FRMPD4: variants seen among roughly 807,000 people sequenced by gnomAD.
FRMPD4 encodes the protein FERM and PDZ domain containing 4, also known as FERM and PDZ domain-containing protein 4.
FRMPD4 carries 22 observed loss-of-function variants against 94.1 expected under a neutral mutation model. That is an observed-to-expected ratio of 0.23 (90% CI 0.17 to 0.33). The LOEUF (loss-of-function observed/expected upper bound fraction) is 0.33. FRMPD4 is among the 10% of genes least tolerant of loss of function. The pLI is 1.00. For missense variants in FRMPD4, 1,111 were observed against 1,339.9 expected, an observed-to-expected ratio of 0.83 and a Z score of 2.67; for synonymous variants, 631 against 548.6, an observed-to-expected ratio of 1.15 and a Z score of -2.10.
intron 1 of FRMPD4, among the ~76,000 whole-genome samples, chrX:12,324,589 T>A (rs759971015): frequency 8.9e-6 from 1 of 112,055 alleles, no homozygotes; most frequent in South Asian, 3.7e-4. Flanking sequence ...ATAAACATGC[T>A]ACAGATAATT....
At chrX:12,495,426 A>T (rs1218524340) in intron 1 of FRMPD4, among the ~76,000 whole-genome samples, 2 of 112,066 alleles carry the variant, frequency 1.8e-5, no homozygotes, top group South Asian at 3.7e-4. Context: ...TAACTTGTTC[A>T]AGGTCGTGGA....
chrX:11,828,740 G>GTT (rs58015542), intron 1 of FRMPD4, among the ~76,000 whole-genome samples: 2 of 111,648 alleles, frequency 1.8e-5, no homozygotes, highest in African/African-American at 6.5e-5. Context: ...CAAGGTCGCA[G>GTT]TTTTTTTTCA....
intron 3 of FRMPD4, among the ~76,000 whole-genome samples, chrX:12,004,362 A>C (rs377649752): frequency 8.9e-6 from 1 of 111,969 alleles, no homozygotes; most frequent in African/African-American, 3.2e-5. Context: ...GTTTGGACAG[A>C]CCAACAGCAT....
chrX:11,965,011 C>T (rs1232861614), intron 3 of FRMPD4, among the ~76,000 whole-genome samples: 1 of 112,567 alleles, frequency 8.9e-6, no homozygotes, highest in Non-Finnish European at 1.9e-5. Flanking sequence ...TTCTTTTTTG[C>T]CTCCCTCTTC....
At chrX:12,624,069 G>C (rs2148438816) in intron 4 of FRMPD4, among the ~76,000 whole-genome samples, 1 of 112,354 alleles carries the variant, frequency 8.9e-6, no homozygotes, top group South Asian at 3.7e-4. Flanking sequence ...GAGACGGAAA[G>C]ATATTCCTAG....
At chrX:12,350,401 C>T (rs776799055) in intron 1 of FRMPD4, among the ~76,000 whole-genome samples, 1 of 111,238 alleles carries the variant, frequency 9.0e-6, no homozygotes, top group Non-Finnish European at 1.9e-5. Flanking sequence ...AACTTCTGGC[C>T]TGTTTTCTTG....
In FRMPD4 at chrX:11,926,399, A is replaced by G. The variant is rs143050945; in HGVS notation, c.95+48381A>G. 5.7e-3 allele frequency among the ~76,000 whole-genome samples: 630 copies of G among 111,046 alleles called. 3 individuals are homozygous for G. Among genetic ancestry groups the G allele is most frequent in the African/African-American group, 0.02 (606 of 30,518 alleles). On this transcript the variant is annotated intron_variant, in intron 3 of 18. Transcript: ENST00000640291. The stretch of plus-strand genomic sequence containing the variant: ...AGGAGGAGAGACTCCACACTAATTC[A>G]TTATATGAGGCCAGCATCATCCTGA...
rs944061978 is a variant in FRMPD4, at chrX:12,699,082, A to G, written c.934-2792A>G. On this transcript the variant is annotated intron_variant, in intron 9 of 16. Transcript: ENST00000675598. The stretch of plus-strand genomic sequence containing the variant: ...TAGCAGTTGCTGAAGAAAATGATTT[A>G]TCAAAATGATTTCTCAAAAAATTGA... 2.7e-5 allele frequency among the ~76,000 whole-genome samples: 3 copies of G among 112,168 alleles called. No individual in the cohort carries two copies. The Admixed American group carries it at 2.8e-4, about 11-fold the overall frequency.
chrX:12,460,724 T>G (rs1206524418), intron 1 of FRMPD4, among the ~76,000 whole-genome samples: 1 of 111,931 alleles, frequency 8.9e-6, no homozygotes, highest in Non-Finnish European at 1.9e-5. Flanking sequence ...GGGATTTTTT[T>G]TAAGTAAAGG....
chrX:12,536,641 A>G (rs747690069), intron 2 of FRMPD4, among the ~76,000 whole-genome samples: 3 of 112,024 alleles, frequency 2.7e-5, no homozygotes, highest in Non-Finnish European at 5.6e-5. Context: ...AATACATTTA[A>G]CACAGCAGAA....
intron 1 of FRMPD4, among the ~76,000 whole-genome samples, chrX:12,144,890 T>C (rs925089910): frequency 9.1e-6 from 1 of 109,797 alleles, no homozygotes; most frequent in Non-Finnish European, 1.9e-5. Flanking sequence ...TATGATGATA[T>C]TGAAATGGGT....
chrX:12,294,111 G>A (rs1320172364), intron 1 of FRMPD4, among the ~76,000 whole-genome samples: 1 of 110,848 alleles, frequency 9.0e-6, no homozygotes, highest in African/African-American at 3.3e-5. Flanking sequence ...ATTCAAAAAA[G>A]CTAGCTATTA....
intron 3 of FRMPD4, among the ~76,000 whole-genome samples, chrX:12,110,462 C>A (rs1209099615): frequency 8.9e-6 from 1 of 111,886 alleles, no homozygotes; most frequent in Non-Finnish European, 1.9e-5. Context: ...CAGTCAATAT[C>A]ATACTGAATG....
intron 3 of FRMPD4, among the ~76,000 whole-genome samples, chrX:11,959,763 C>A (rs184618541): frequency 1.8e-5 from 2 of 111,368 alleles, no homozygotes; most frequent in Non-Finnish European, 3.8e-5. Context: ...TCTGACCTCC[C>A]AACCTGTCAG....
intron 3 of FRMPD4, among the ~76,000 whole-genome samples, chrX:11,896,594 C>T (rs1314687689): frequency 8.9e-6 from 1 of 112,079 alleles, no homozygotes; most frequent in East Asian, 2.8e-4. Context: ...GACTTCCCAG[C>T]CTCTAGAACT....
At chrX:11,951,082 G>GA (rs930041253) in intron 3 of FRMPD4, among the ~76,000 whole-genome samples, 1 of 100,530 alleles carries the variant, frequency 9.9e-6, no homozygotes, top group African/African-American at 3.6e-5. Flanking sequence ...AAAAAAAAAG[G>GA]AAAAAAACAA....
chrX:12,429,071 A>AC (rs1036740421), intron 1 of FRMPD4, among the ~76,000 whole-genome samples: 2 of 110,811 alleles, frequency 1.8e-5, no homozygotes, highest in African/African-American at 6.6e-5. Flanking sequence ...CTGGGGAATG[A>AC]CCCCCCAATC....
At chrX:12,596,291 G>A (rs1296092735) in intron 2 of FRMPD4, among the ~76,000 whole-genome samples, 1 of 111,466 alleles carries the variant, frequency 9.0e-6, no homozygotes. Context: ...GTACGATTTA[G>A]GTAAACTGGG....
At chrX:11,901,755 CT>C (rs1286197909) in intron 3 of FRMPD4, among the ~76,000 whole-genome samples, 17 of 108,206 alleles carry the variant, frequency 1.6e-4, no homozygotes, top group South Asian at 1.2e-3. Context: ...ACAACAGTAT[CT>C]TTTTTTTTTC....
Sources: allele counts gnomAD v4.1 joint callset (sites outside exome capture counted in the v4.1 genomes callset), GRCh38; gene constraint gnomAD v4.1.1; transcripts MANE v1.5; gene names NCBI Gene and HGNC (gene_info 2026-07-23, HGNC 2026-07-21).